The following ZNF592 variants were observed in gnomAD, a reference collection of about 807,000 sequenced individuals.
ZNF592 encodes the protein spinocerebellar ataxia, autosomal recessive 5.
ZNF592 carries 11 observed loss-of-function variants against 80.3 expected under a neutral mutation model. The observed-to-expected ratio is 0.14, with a 90% CI of 0.09 to 0.23. The LOEUF (loss-of-function observed/expected upper bound fraction) is 0.23. Ranked by LOEUF, ZNF592 falls within the 10% of genes least tolerant of loss-of-function variation. The pLI is 1.00. For synonymous variants in ZNF592, 646 were observed against 640.3 expected (o/e 1.01, Z -0.13); for missense variants, 1,420 against 1,633.9 (o/e 0.87, Z 2.26).
rs1473893078 is a variant in ZNF592 at position 84,806,101 on chromosome 15, A to G, written c.*3708A>G. On this transcript the variant is annotated 3_prime_UTR_variant, in exon 11 of 11. Transcript: ENST00000560079. Reference sequence around the variant, plus strand: ...AGTGATTCAAAAAGTATATGGATGAATGAGTGAATGCTGCATGAATGAATG... The same window carrying G: ...AGTGATTCAAAAAGTATATGGATGAGTGAGTGAATGCTGCATGAATGAATG... The G allele has an allele frequency of 6.6e-6, 1 of 152,620 alleles. No individual in the cohort carries two copies. The highest frequency in any genetic ancestry group is 2.4e-5 in the African/African-American group (1 of 41,450). 9.5% of individuals were successfully genotyped at this position (152,620 alleles called of 1,614,324 possible). A position where few individuals can be genotyped will look rare whatever the true frequency, so the allele number is the denominator to read the frequency against.
intron 1 of ZNF592, among the ~76,000 whole-genome samples, chr15:84,756,107 C>A (rs1363857060): frequency 6.6e-6 from 1 of 152,220 alleles, no homozygotes; most frequent in Non-Finnish European, 1.5e-5. Flanking sequence ...GATGTTACAA[C>A]CTGGGGATCA....
rs372535841 is a variant in ZNF592 at position 84,794,722 on chromosome 15, C to T, written c.2400-3147C>T. Among the ~76,000 whole-genome samples, 298 of 152,184 alleles carry T rather than the reference C, an allele frequency of 2.0e-3. 3 individuals are homozygous for T. Among genetic ancestry groups the T allele is most frequent in the African/African-American group, 6.7e-3 (278 of 41,514 alleles). On this transcript the variant is annotated intron_variant, in intron 5 of 10. Coordinates refer to ENST00000560079, the MANE Select transcript of ZNF592 (RefSeq NM_014630.3). ...GAACTCCTGACCTCAGGTGATCCAC[C>T]GACCTCAGCCTCCCAAAGTGCTGGG...
At chr15:84,787,857 A>T (rs1962634616) in intron 4 of ZNF592, among the ~76,000 whole-genome samples, 1 of 152,206 alleles carries the variant, frequency 6.6e-6, no homozygotes, top group East Asian at 1.9e-4. Flanking sequence ...TGTTTCATAA[A>T]TATCTCAGTC....
At chr15:84,772,239 G>T (rs1219895355) in intron 2 of ZNF592, among the ~76,000 whole-genome samples, 1 of 152,160 alleles carries the variant, frequency 6.6e-6, no homozygotes, top group Non-Finnish European at 1.5e-5. Context: ...TGGAAGTGGT[G>T]TCTCGATGAT....
At chr15:84,760,603 T>C (rs1484593960) in intron 1 of ZNF592, among the ~76,000 whole-genome samples, 1 of 152,108 alleles carries the variant, frequency 6.6e-6, no homozygotes, top group Non-Finnish European at 1.5e-5. Flanking sequence ...TCAATATTAT[T>C]GAATGAATGA....
At chr15:84,751,850 A>T (rs1319364306) in intron 1 of ZNF592, among the ~76,000 whole-genome samples, 8 of 152,202 alleles carry the variant, frequency 5.3e-5, no homozygotes, top group African/African-American at 1.9e-4. Flanking sequence ...GGTTGCAGTG[A>T]GCTAAGATTG....
chr15:84,782,006 C>A (rs1962435213), intron 3 of ZNF592, among the ~76,000 whole-genome samples: 1 of 152,190 alleles, frequency 6.6e-6, no homozygotes, highest in African/African-American at 2.4e-5. Flanking sequence ...CACCCTGTTC[C>A]TCAGGTTTAA....
Position 84,799,797 on chromosome 15 carries a change from C to CT in ZNF592, c.3138-44dup. 1 of 1,611,704 alleles carries CT rather than the reference C, an allele frequency of 6.2e-7. No homozygotes were observed. The highest frequency in any genetic ancestry group is 8.5e-7 in the Non-Finnish European group (1 of 1,179,910). On this transcript the variant is annotated intron_variant, in intron 9 of 10. Coordinates refer to ENST00000560079, the MANE Select transcript of ZNF592 (RefSeq NM_014630.3). The surrounding 1 kb of genome is among the most constrained non-coding windows in gnomAD (Gnocchi z 4.2). ...TTGGTGTGAATAGCACTGAGGGAGC[C>CT]TGCGGCCCGGGCACTTACCTGACCT...
rs995613286 is a variant in ZNF592, at chr15:84,799,950, G to A, written c.3246G>A (p.Val1082=). The change falls in exon 10 of 11, where the codon GTG becomes GTA. Residue 1082 remains valine (V), a synonymous_variant. Coordinates refer to ENST00000560079, the MANE Select transcript of ZNF592 (RefSeq NM_014630.3). The surrounding 1 kb of genome is among the most constrained non-coding windows in gnomAD (Gnocchi z 4.2). The part of the protein sequence containing the change: ...RNPDLSQTSK[V]KPPGGHSPQV... ...CTGATTTGAGCCAGACGTCCAAAGT[G>A]AAACCTCCGGGTGGACATTCCCCTC... is the stretch of plus-strand genomic sequence containing the variant. 6 of 1,614,212 alleles carry A rather than the reference G, an allele frequency of 3.7e-6. No homozygotes were observed. The South Asian group carries it at 6.6e-5, about 18-fold the overall frequency.
chr15:84,760,785 C>G (rs1899327734), intron 1 of ZNF592, among the ~76,000 whole-genome samples: 1 of 152,068 alleles, frequency 6.6e-6, no homozygotes, highest in African/African-American at 2.4e-5. Context: ...CCAGTCTGTT[C>G]CAGTCTCTAT....
chr15:84,790,168 G>A (rs1962705756), intron 4 of ZNF592, among the ~76,000 whole-genome samples: 2 of 134,422 alleles, frequency 1.5e-5, no homozygotes, highest in African/African-American at 5.5e-5. Flanking sequence ...AAACTGACAA[G>A]ACCACTCAGT....
intron 1 of ZNF592, among the ~76,000 whole-genome samples, chr15:84,763,512 TA>T (rs1899411799): frequency 6.6e-6 from 1 of 152,132 alleles, no homozygotes; most frequent in South Asian, 2.1e-4. Flanking sequence ...CCCTGATCTC[TA>T]ACTTTTGTCC....
At chr15:84,758,294 T>A (rs534981325) in intron 1 of ZNF592, among the ~76,000 whole-genome samples, 34 of 151,506 alleles carry the variant, frequency 2.2e-4, no homozygotes, top group East Asian at 5.9e-4. Flanking sequence ...TTAAAAAAAA[T>A]TTTTTTTTGA....
At chr15:84,757,980 T>C (rs1899228132) in intron 1 of ZNF592, among the ~76,000 whole-genome samples, 1 of 145,150 alleles carries the variant, frequency 6.9e-6, no homozygotes, top group African/African-American at 2.6e-5. Context: ...TTTTTTTTTT[T>C]CTTTTTTTTT....
At chr15:84,750,368 C>T (rs918736243) in intron 1 of ZNF592, among the ~76,000 whole-genome samples, 22 of 152,210 alleles carry the variant, frequency 1.4e-4, no homozygotes, top group Non-Finnish European at 2.9e-5. Context: ...ACGTGTTAGG[C>T]ATTGTTCTAG....
At chr15:84,771,194 G>A (rs1899691576) in intron 2 of ZNF592, among the ~76,000 whole-genome samples, 1 of 152,206 alleles carries the variant, frequency 6.6e-6, no homozygotes, top group Admixed American at 6.5e-5. Flanking sequence ...AAGGACTGAT[G>A]AGAAAACGAA....
At position 84,798,633 on chromosome 15, in the gene ZNF592, C is replaced by T; in HGVS notation, c.2782C>T (p.Gln928Ter). ...PRNVDELSSL[Q>*]SSADTSSSRP... ...AAATGTGGACGAGCTGTCAAGCCTC[C>T]AGTCTTCAGCGGACACATCCTCAAG... is the stretch of plus-strand genomic sequence containing the variant. The change falls in exon 8 of 11, where the codon CAG (glutamine) becomes TAG (stop). Residue 928 changes from glutamine to a stop codon, truncating the protein, a stop_gained. Transcript: ENST00000560079. LOFTEE classifies it high-confidence loss of function. The surrounding 1 kb of genome is among the most constrained non-coding windows in gnomAD (Gnocchi z 4.5). 1 of 1,614,078 alleles carries T rather than the reference C, an allele frequency of 6.2e-7. No individual in the cohort carries two copies. The highest frequency in any genetic ancestry group is 8.5e-7 in the Non-Finnish European group (1 of 1,180,036).
intron 2 of ZNF592, among the ~76,000 whole-genome samples, chr15:84,772,640 G>A (rs1962117935): frequency 6.6e-6 from 1 of 152,194 alleles, no homozygotes; most frequent in African/African-American, 2.4e-5. Context: ...TCAGTCATGT[G>A]GGGGAGCAGG....
chr15:84,794,396 G>A (rs749627354), intron 5 of ZNF592, among the ~76,000 whole-genome samples: 2 of 151,974 alleles, frequency 1.3e-5, no homozygotes, highest in Non-Finnish European at 2.9e-5. Context: ...TTGTCTTTTT[G>A]ATTGTAACCA....
Sources: allele counts gnomAD v4.1 joint callset (sites outside exome capture counted in the v4.1 genomes callset), GRCh38; gene constraint gnomAD v4.1.1; non-coding constraint Gnocchi (gnomAD v3.1); transcripts MANE v1.5; gene names NCBI Gene and HGNC (gene_info 2026-07-23, HGNC 2026-07-21).